NCOA1: variants seen among roughly 807,000 people sequenced by gnomAD.
The protein encoded by NCOA1 is nuclear receptor coactivator 1.
Under a neutral mutation model 150.9 loss-of-function variants are expected in NCOA1, and 35 were observed. That is an observed-to-expected ratio of 0.23 (90% CI 0.18 to 0.31). The LOEUF (loss-of-function observed/expected upper bound fraction) is 0.31, where lower values mean the gene tolerates loss of function less well. Among genes scored for constraint, NCOA1 ranks in the 10% least tolerant of loss-of-function variants. NCOA1 has a pLI of 1.00. For missense variants in NCOA1, 1,491 were observed against 1,749.3 expected (o/e 0.85, Z 2.63); for synonymous variants, 590 against 630.0 (o/e 0.94, Z 0.95).
intron 17 of NCOA1, among the ~76,000 whole-genome samples, chr2:24,730,751 C>T (rs555067000): frequency 9.8e-4 from 149 of 151,428 alleles, no homozygotes; most frequent in Non-Finnish European, 1.4e-3. Context: ...GTGGGCCGGG[C>T]GTGGTGGCTC....
intron 15 of NCOA1, among the ~76,000 whole-genome samples, chr2:24,726,945 T>A (rs575215521): frequency 6.6e-6 from 1 of 151,654 alleles, no homozygotes; most frequent in South Asian, 2.1e-4. Context: ...GAGATCAGCC[T>A]GGCCAACATG....
At chr2:24,756,921 G>T (rs1664532564) in intron 20 of NCOA1, among the ~76,000 whole-genome samples, 1 of 152,140 alleles carries the variant, frequency 6.6e-6, no homozygotes. Flanking sequence ...CAGGCTCTCT[G>T]AAAAACATAA....
chr2:24,626,210 T>G, intron 3 of NCOA1, among the ~76,000 whole-genome samples: 1 of 152,332 alleles, frequency 6.6e-6, no homozygotes, highest in Non-Finnish European at 1.5e-5. Context: ...ATGGGAGACC[T>G]TGAATGCAAG....
At chr2:24,506,029 C>T (rs941551181) in intron 1 of NCOA1, among the ~76,000 whole-genome samples, 1 of 151,744 alleles carries the variant, frequency 6.6e-6, no homozygotes, top group Non-Finnish European at 1.5e-5. Flanking sequence ...GCCATTGGAG[C>T]CTTTGGATCT....
chr2:24,612,322 T>C (rs1668666312), intron 3 of NCOA1, among the ~76,000 whole-genome samples: 1 of 152,226 alleles, frequency 6.6e-6, no homozygotes, highest in African/African-American at 2.4e-5. Context: ...CCTTTAAGAC[T>C]TTTTCATTAG....
At chr2:24,720,220 G>A (rs1358809124) in intron 14 of NCOA1, among the ~76,000 whole-genome samples, 1 of 152,192 alleles carries the variant, frequency 6.6e-6, no homozygotes, top group Non-Finnish European at 1.5e-5. Context: ...AGTTGCAGAT[G>A]GTTGCCTCTA....
chr2:24,762,229 A>G (rs1161054723), intron 21 of NCOA1, among the ~76,000 whole-genome samples: 1 of 152,234 alleles, frequency 6.6e-6, no homozygotes, highest in Non-Finnish European at 1.5e-5. Flanking sequence ...TAATGTCTTC[A>G]GTGCCTTTTT....
At chr2:24,649,899 GCAAGTTAC>G (rs1350253672) in intron 4 of NCOA1, among the ~76,000 whole-genome samples, 3 of 152,022 alleles carry the variant, frequency 2.0e-5, no homozygotes, top group Non-Finnish European at 4.4e-5. Flanking sequence ...CATTTAGAGG[GCAAGTTAC>G]CAAATCCTTG....
rs77668399 is a variant in NCOA1 at position 24,543,416 on chromosome 2, C to T, written c.-395-20879C>T. ...AAACACCTTCCACCAGGCCCTGCCT[C>T]CCAACACTGCCACCTAGGGGATCAA... On this transcript the variant is annotated intron_variant, in intron 1 of 22. Coordinates refer to ENST00000348332, the MANE Select transcript of NCOA1 (RefSeq NM_003743.5). 6.8e-3 allele frequency among the ~76,000 whole-genome samples: 1,033 copies of T among 152,260 alleles called. 8 individuals are homozygous for T. Among genetic ancestry groups the T allele is most frequent in the Non-Finnish European group, 0.011 (747 of 68,004 alleles).
chr2:24,682,801 GTCTC>G (rs1311240302), intron 7 of NCOA1, 146 bp from the exon 8 acceptor site: 5 of 478,794 alleles, frequency 1.0e-5, no homozygotes, highest in Admixed American at 7.2e-5. Context: ...TTATGTTTAT[GTCTC>G]TCTCTCCTGC....
chr2:24,623,535 G>A (rs1262395988), intron 3 of NCOA1, among the ~76,000 whole-genome samples: 1 of 152,208 alleles, frequency 6.6e-6, no homozygotes, highest in Non-Finnish European at 1.5e-5. Flanking sequence ...TAAGAAATAT[G>A]TATCTAGGGC....
At chr2:24,516,955 A>ATATATACACATATACGTATATATACGT in intron 1 of NCOA1, among the ~76,000 whole-genome samples, 1 of 70,110 alleles carries the variant, frequency 1.4e-5, no homozygotes, top group Admixed American at 2.0e-4. Context: ...TATATATACA[A>ATATATACACATATACGTATATATACGT]GTATATATAC....
chr2:24,628,927 G>T (rs1669550846), intron 3 of NCOA1, among the ~76,000 whole-genome samples: 1 of 152,154 alleles, frequency 6.6e-6, no homozygotes, highest in Non-Finnish European at 1.5e-5. Flanking sequence ...CCTGTGGAAG[G>T]GGTGTGTAAG....
chr2:24,537,344 G>C (rs998438233), intron 1 of NCOA1, among the ~76,000 whole-genome samples: 1 of 151,918 alleles, frequency 6.6e-6, no homozygotes, highest in Non-Finnish European at 1.5e-5. Context: ...GGACCTGGAA[G>C]ACATTATGCT....
intron 8 of NCOA1, among the ~76,000 whole-genome samples, chr2:24,688,556 G>C (rs1672517606): frequency 6.6e-6 from 1 of 152,086 alleles, no homozygotes; most frequent in Non-Finnish European, 1.5e-5. Context: ...GTCTTCTTTT[G>C]AAAAGTGTCT....
chr2:24,591,649 C>T (rs1198682338), intron 3 of NCOA1, among the ~76,000 whole-genome samples: 2 of 152,092 alleles, frequency 1.3e-5, no homozygotes, highest in Non-Finnish European at 2.9e-5. Flanking sequence ...CTCTAATATG[C>T]CAAGCTCCCC....
intron 22 of NCOA1, among the ~76,000 whole-genome samples, chr2:24,763,683 T>G (rs536192663): frequency 7.7e-6 from 1 of 130,310 alleles, no homozygotes; most frequent in African/African-American, 2.9e-5. Context: ...TGAAGTGGCG[T>G]GATCTTGGCT....
In NCOA1 at chr2:24,699,911, G is replaced by A. The variant is rs191342680; in HGVS notation, c.949+2113G>A. On this transcript the variant is annotated intron_variant, in intron 11 of 22. Coordinates refer to ENST00000348332, the MANE Select transcript of NCOA1 (RefSeq NM_003743.5). ...TGTAATCCCAACACTTTGGGAGGCC[G>A]AGGCAGGTGGATCACCTGAGGTCGG... Among the ~76,000 whole-genome samples, 104 of 152,280 alleles carry A rather than the reference G, an allele frequency of 6.8e-4. 1 individual carries two copies. Among genetic ancestry groups the A allele is most frequent in the Admixed American group, 1.8e-3 (28 of 15,302 alleles).
At position 24,711,900 on chromosome 2, in the gene NCOA1, A is replaced by C. The variant is rs369041204; in HGVS notation, c.2599+789A>C. ...AACTAATCAGCCCACTTTCAAAATTAGTCTGGATTTTCAACGTTAGTTCTA... is the reference window on the plus strand; with the variant it reads ...AACTAATCAGCCCACTTTCAAAATTCGTCTGGATTTTCAACGTTAGTTCTA... On this transcript the variant is annotated intron_variant, in intron 14 of 22. Transcript: ENST00000348332. Among the ~76,000 whole-genome samples the C allele has an allele frequency of 7.2e-5, 11 of 152,372 alleles. 1 individual carries two copies. In the South Asian group the frequency reaches 2.3e-3, roughly 32 times the overall value.
Sources: allele counts gnomAD v4.1 joint callset (sites outside exome capture counted in the v4.1 genomes callset), GRCh38; gene constraint gnomAD v4.1.1; transcripts MANE v1.5; gene names NCBI Gene and HGNC (gene_info 2026-07-23, HGNC 2026-07-21).